MMP16: variants seen among roughly 807,000 people sequenced by gnomAD.
The protein encoded by MMP16 is matrix metalloproteinase-16.
MMP16 carries 12 observed loss-of-function variants against 67.8 expected under a neutral mutation model. The observed-to-expected ratio is 0.18, with a 90% CI of 0.11 to 0.29. The LOEUF is 0.29. Ranked by LOEUF, MMP16 falls within the 10% of genes least tolerant of loss-of-function variation. The pLI is 1.00. For synonymous variants in MMP16, 249 were observed against 255.9 expected (o/e 0.97, Z 0.26); for missense variants, 475 against 765.7 (o/e 0.62, Z 4.48).
Position 88,060,760 on chromosome 8 carries a change from C to T in MMP16, c.1223-4482G>A, listed in dbSNP as rs114627425. Among the ~76,000 whole-genome samples the T allele has an allele frequency of 9.9e-5, 15 of 152,102 alleles. No homozygotes were observed. The South Asian group carries it at 1.9e-3, about 19-fold the overall frequency. ...AATAACTTGAGGAAAAACACTACAT[C>T]GAACACATTATTTTCGTGTAGCACC... On this transcript the variant is annotated intron_variant, in intron 7 of 9. Coordinates refer to ENST00000286614, the MANE Select transcript of MMP16 (RefSeq NM_005941.5).
rs1563560629 is a variant in MMP16 at position 88,201,141 on chromosome 8, CCCCAA to C, written c.133-3840_133-3836del. On this transcript the variant is annotated intron_variant, in intron 1 of 9. Coordinates refer to ENST00000286614, the MANE Select transcript of MMP16 (RefSeq NM_005941.5). Reference sequence around the variant, plus strand: ...GATTAATTGCAGACATCCTTTCCCCCCCCAAAAAAAAAAAAAAAAAAAAAAAATGG... The same window carrying C: ...GATTAATTGCAGACATCCTTTCCCCCAAAAAAAAAAAAAAAAAAAAAATGG... Among the ~76,000 whole-genome samples the C allele has an allele frequency of 3.5e-5, 3 of 85,428 alleles. 1 individual carries two copies. Among genetic ancestry groups the C allele is most frequent in the Admixed American group, 3.2e-4 (2 of 6,286 alleles). The allele number at this position is 85,428 out of a possible 152,430, so 56.0% of individuals were successfully genotyped here.
At chr8:88,235,540 T>C (rs1041790412) in intron 1 of MMP16, among the ~76,000 whole-genome samples, 1 of 152,214 alleles carries the variant, frequency 6.6e-6, no homozygotes, top group East Asian at 1.9e-4. Flanking sequence ...GATTTTGTTT[T>C]TGTTTTTCTA....
intron 1 of MMP16, among the ~76,000 whole-genome samples, chr8:88,257,789 T>G (rs560597262): frequency 6.6e-6 from 1 of 152,310 alleles, no homozygotes; most frequent in African/African-American, 2.4e-5. Flanking sequence ...TTATGGGTTA[T>G]ACTAGACCTC....
intron 2 of MMP16, among the ~76,000 whole-genome samples, chr8:88,193,451 G>A (rs1045358679): frequency 1.3e-5 from 2 of 152,166 alleles, no homozygotes; most frequent in East Asian, 3.9e-4. Flanking sequence ...ATAGGAGGGA[G>A]GTGGGGATAA....
intron 6 of MMP16, among the ~76,000 whole-genome samples, chr8:88,102,073 C>A (rs1485051993): frequency 6.6e-6 from 1 of 151,892 alleles, no homozygotes; most frequent in Non-Finnish European, 1.5e-5. Context: ...ATCAACACAA[C>A]AGTCAACATG....
chr8:88,307,427 T>C (rs1333231893), intron 1 of MMP16, among the ~76,000 whole-genome samples: 2 of 151,932 alleles, frequency 1.3e-5, no homozygotes, highest in Admixed American at 6.6e-5. Flanking sequence ...AACCAATCCA[T>C]TAAAAATTAA....
At chr8:88,177,206 A>G (rs1417900623) in intron 3 of MMP16, among the ~76,000 whole-genome samples, 1 of 152,210 alleles carries the variant, frequency 6.6e-6, no homozygotes, top group Non-Finnish European at 1.5e-5. Flanking sequence ...ACATGTGTGT[A>G]TATATTTCGT....
intron 7 of MMP16, among the ~76,000 whole-genome samples, chr8:88,072,463 T>G (rs6469206): frequency 0.49 from 74,414 of 151,774 alleles, 18,605 homozygotes; most frequent in South Asian, 0.61. Context: ...AAGAGTAAAC[T>G]GGAGGAAAGA....
intron 6 of MMP16, among the ~76,000 whole-genome samples, chr8:88,076,098 A>G (rs1311453787): frequency 1.3e-5 from 2 of 151,964 alleles, no homozygotes; most frequent in Non-Finnish European, 2.9e-5. Context: ...TGTAGTTATC[A>G]TGCACTGTCT....
At chr8:88,171,126 AATAAT>A (rs1308449677) in intron 3 of MMP16, among the ~76,000 whole-genome samples, 1 of 152,188 alleles carries the variant, frequency 6.6e-6, no homozygotes, top group Non-Finnish European at 1.5e-5. Flanking sequence ...AATGAAGCAA[AATAAT>A]ATAATAAAAA....
intron 4 of MMP16, among the ~76,000 whole-genome samples, chr8:88,148,112 T>C (rs905519608): frequency 6.6e-6 from 1 of 152,202 alleles, no homozygotes; most frequent in Non-Finnish European, 1.5e-5. Flanking sequence ...TTCAATTTAA[T>C]TGTTATGATT....
chr8:88,206,785 A>G (rs563891425), intron 1 of MMP16, among the ~76,000 whole-genome samples: 3 of 152,330 alleles, frequency 2.0e-5, no homozygotes, highest in African/African-American at 4.8e-5. Flanking sequence ...CAATTAGCCT[A>G]TGATAAAATT....
intron 8 of MMP16, among the ~76,000 whole-genome samples, chr8:88,049,493 A>G (rs994210429): frequency 3.3e-5 from 5 of 152,136 alleles, no homozygotes; most frequent in Non-Finnish European, 7.3e-5. Flanking sequence ...TCCACACTTG[A>G]GCAAACAAAG....
intron 5 of MMP16, 120 bp downstream of exon 5, chr8:88,118,580 T>C: frequency 1.1e-6 from 1 of 927,644 alleles, no homozygotes; most frequent in Non-Finnish European, 1.6e-6. Flanking sequence ...GTAGGCCAGC[T>C]ACATACTTTT....
intron 1 of MMP16, among the ~76,000 whole-genome samples, chr8:88,279,643 G>T (rs1347305205): frequency 6.6e-6 from 1 of 152,124 alleles, no homozygotes; most frequent in African/African-American, 2.4e-5. Context: ...ACTAACTACT[G>T]TCTCAAGAGG....
rs529201866 is a variant in MMP16 at position 88,126,001 on chromosome 8, A to ATAT, written c.710-7143_710-7141dup. On this transcript the variant is annotated intron_variant, in intron 4 of 9. Transcript: ENST00000286614. ...TTTTTAGGAACTGATCTGAATTGCC[A>ATAT]TATTATTTTTATTTCCAAAATAATA... 3.3e-3 allele frequency among the ~76,000 whole-genome samples: 496 copies of ATAT among 152,012 alleles called. 5 individuals carry two copies. Among genetic ancestry groups the ATAT allele is most frequent in the African/African-American group, 0.011 (477 of 41,526 alleles).
chr8:88,070,669 G>C (rs1172102284), intron 7 of MMP16, among the ~76,000 whole-genome samples: 1 of 152,066 alleles, frequency 6.6e-6, no homozygotes, highest in African/African-American at 2.4e-5. Flanking sequence ...AACTGAGAAA[G>C]TCTTCTGAGC....
At chr8:88,147,469 T>A (rs754854335) in intron 4 of MMP16, among the ~76,000 whole-genome samples, 1 of 152,112 alleles carries the variant, frequency 6.6e-6, no homozygotes, top group Non-Finnish European at 1.5e-5. Flanking sequence ...ATCTAAGTTT[T>A]TTTCTAGGAA....
chr8:88,179,958 A>G (rs969462442), intron 3 of MMP16, among the ~76,000 whole-genome samples: 16 of 152,338 alleles, frequency 1.1e-4, no homozygotes, highest in African/African-American at 3.8e-4. Context: ...TGTTGTAGGT[A>G]TTAATACAAC....
Sources: allele counts gnomAD v4.1 joint callset (sites outside exome capture counted in the v4.1 genomes callset), GRCh38; gene constraint gnomAD v4.1.1; transcripts MANE v1.5; gene names NCBI Gene and HGNC (gene_info 2026-07-23, HGNC 2026-07-21).